Variants in DGKB observed in about 807,000 individuals in gnomAD.
DGKB encodes 90 kDa diacylglycerol kinase.
DGKB carries 67 observed loss-of-function variants against 114.3 expected under a neutral mutation model. The ratio of observed to expected loss-of-function variants is 0.59; its 90% CI spans 0.48 to 0.72. DGKB has a LOEUF of 0.72. Ranked by LOEUF, DGKB falls within the 30% of genes least tolerant of loss-of-function variation. DGKB has a pLI of 0.00. For missense variants in DGKB, 907 were observed against 975.2 expected, an observed-to-expected ratio of 0.93 and a Z score of 0.93; for synonymous variants, 398 against 323.1, an observed-to-expected ratio of 1.23 and a Z score of -2.49.
intron 2 of DGKB, among the ~76,000 whole-genome samples, chr7:14,797,231 C>T (rs1841530583): frequency 6.6e-6 from 1 of 152,114 alleles, no homozygotes; most frequent in Non-Finnish European, 1.5e-5. Context: ...CAATCATTTC[C>T]CATATTTGAG....
intron 20 of DGKB, among the ~76,000 whole-genome samples, chr7:14,566,023 G>C (rs1033627546): frequency 1.3e-5 from 2 of 151,870 alleles, no homozygotes; most frequent in Non-Finnish European, 2.9e-5. Context: ...ACCAAGAGTC[G>C]CTTGTGTTGT....
intron 2 of DGKB, among the ~76,000 whole-genome samples, chr7:14,778,617 T>C (rs1838586145): frequency 6.6e-6 from 1 of 152,162 alleles, no homozygotes; most frequent in South Asian, 2.1e-4. Context: ...AAAGGTAAAC[T>C]AGTTAATTGA....
At chr7:14,801,188 G>C (rs1842101104) in intron 2 of DGKB, among the ~76,000 whole-genome samples, 1 of 152,148 alleles carries the variant, frequency 6.6e-6, no homozygotes, top group African/African-American at 2.4e-5. Flanking sequence ...ATACCAAGGA[G>C]AAGAGTAGAC....
upstream of DGKB, among the ~76,000 whole-genome samples, chr7:14,904,758 C>T (rs1323666642): frequency 6.6e-6 from 1 of 152,122 alleles, no homozygotes; most frequent in Non-Finnish European, 1.5e-5. Context: ...TTTTTCTCTT[C>T]ATTTGTTGTC....
rs989607835 is a variant in DGKB, at chr7:14,425,203, C to A, written c.1835+52958G>T. On this transcript the variant is annotated intron_variant, in intron 21 of 25. Coordinates refer to ENST00000402815, the MANE Select transcript of DGKB (RefSeq NM_001350709.2). Reference sequence around the variant, plus strand: ...GCTAAACTTTGCTTTGTTCAATGTCCATGCTTGATCATTGAATTAAAATCC... The same window carrying A: ...GCTAAACTTTGCTTTGTTCAATGTCAATGCTTGATCATTGAATTAAAATCC... 2.6e-5 allele frequency among the ~76,000 whole-genome samples: 4 copies of A among 151,950 alleles called. No individual in the cohort carries two copies. In the East Asian group the frequency reaches 7.7e-4, roughly 29 times the overall value.
intron 21 of DGKB, among the ~76,000 whole-genome samples, chr7:14,425,642 A>G (rs773067341): frequency 1.3e-5 from 2 of 152,178 alleles, no homozygotes; most frequent in Non-Finnish European, 2.9e-5. Context: ...TGATTACAAG[A>G]GCAATGTCTC....
At chr7:14,265,964 G>A (rs38273) in intron 23 of DGKB, among the ~76,000 whole-genome samples, 37,433 of 152,006 alleles carry the variant, frequency 0.25, 5,344 homozygotes, top group East Asian at 0.59. Context: ...GAACAGTGGC[G>A]AAAGAGGGTA....
In DGKB at chr7:14,748,291, G is replaced by T. The variant is rs115210781; in HGVS notation, c.168+5637C>A. The stretch of plus-strand genomic sequence containing the variant: ...ATGTGCTCAATCTACAATGTCTAAT[G>T]GTATTAAATGCTATAGAAAAAAAAT... On this transcript the variant is annotated intron_variant, in intron 4 of 25. Transcript: ENST00000402815. 8.7e-3 allele frequency among the ~76,000 whole-genome samples: 1,329 copies of T among 152,096 alleles called. 19 individuals are homozygous for T. Among genetic ancestry groups the T allele is most frequent in the African/African-American group, 0.03 (1,244 of 41,496 alleles).
At chr7:14,249,149 T>C (rs1343163962) in intron 23 of DGKB, among the ~76,000 whole-genome samples, 2 of 152,238 alleles carry the variant, frequency 1.3e-5, no homozygotes, top group East Asian at 1.9e-4. Flanking sequence ...ATCACACTTA[T>C]TGATTTGTGT....
intron 1 of DGKB, among the ~76,000 whole-genome samples, chr7:14,922,861 A>G (rs752828992): frequency 6.6e-6 from 1 of 152,202 alleles, no homozygotes; most frequent in African/African-American, 2.4e-5. Flanking sequence ...TTTTCTGATG[A>G]GAACATTGAA....
intron 21 of DGKB, among the ~76,000 whole-genome samples, chr7:14,384,820 G>T (rs1018336046): frequency 6.6e-6 from 1 of 152,082 alleles, no homozygotes; most frequent in African/African-American, 2.4e-5. Context: ...GCATTTGATA[G>T]GCAGAGGCCA....
intron 21 of DGKB, 113 bp downstream of exon 21, chr7:14,478,048 A>G (rs551412643): frequency 2.4e-5 from 14 of 585,696 alleles, no homozygotes; most frequent in Admixed American, 1.3e-4. Flanking sequence ...ACACACACGC[A>G]CACAAAGCCT....
At chr7:14,723,641 A>G (rs1011017033) in intron 5 of DGKB, among the ~76,000 whole-genome samples, 47 of 152,122 alleles carry the variant, frequency 3.1e-4, no homozygotes, top group African/African-American at 1.1e-3. Context: ...AGTACAAAAT[A>G]AAGTGAAAAG....
intron 23 of DGKB, among the ~76,000 whole-genome samples, chr7:14,184,379 G>A (rs1205290193): frequency 3.3e-5 from 5 of 152,144 alleles, no homozygotes; most frequent in Admixed American, 3.3e-4. Context: ...CAGTTGGGAG[G>A]TGAGTTTTCA....
At chr7:14,344,240 G>C (rs973260454) in intron 22 of DGKB, among the ~76,000 whole-genome samples, 3 of 151,104 alleles carry the variant, frequency 2.0e-5, no homozygotes, top group Admixed American at 6.6e-5. Context: ...TGTTATGAAG[G>C]GTTTTTTCCC....
intron 23 of DGKB, among the ~76,000 whole-genome samples, chr7:14,249,844 A>G (rs1380162636): frequency 2.0e-5 from 3 of 151,838 alleles, no homozygotes; most frequent in African/African-American, 7.3e-5. Flanking sequence ...TTGCTCTGAC[A>G]TTTATTATTT....
At chr7:14,737,196 C>G (rs1357968978) in intron 4 of DGKB, among the ~76,000 whole-genome samples, 2 of 151,672 alleles carry the variant, frequency 1.3e-5, no homozygotes, top group African/African-American at 4.8e-5. Flanking sequence ...ACTAGAAGAC[C>G]TACAGAGAAG....
intron 23 of DGKB, among the ~76,000 whole-genome samples, chr7:14,246,067 T>C (rs953777230): frequency 6.6e-6 from 1 of 152,204 alleles, no homozygotes; most frequent in African/African-American, 2.4e-5. Context: ...ACAAATTAGC[T>C]TTCTATATGG....
At chr7:14,169,301 A>T (rs776903731) in intron 25 of DGKB, among the ~76,000 whole-genome samples, 1 of 146,686 alleles carries the variant, frequency 6.8e-6, no homozygotes, top group African/African-American at 2.5e-5. Context: ...GGAGGTGGAG[A>T]TTGCAGTGAG....
Sources: allele counts gnomAD v4.1 joint callset (sites outside exome capture counted in the v4.1 genomes callset), GRCh38; gene constraint gnomAD v4.1.1; transcripts MANE v1.5; gene names NCBI Gene and HGNC (gene_info 2026-07-23, HGNC 2026-07-21).